DGKB: variants seen among roughly 807,000 people sequenced by gnomAD.
The protein encoded by DGKB is 90 kDa diacylglycerol kinase.
A neutral mutation model predicts 114.3 loss-of-function variants in DGKB; 67 were observed. That is an observed-to-expected ratio of 0.59 (90% CI 0.48 to 0.72). The LOEUF is 0.72. Among genes scored for constraint, DGKB ranks in the 30% least tolerant of loss-of-function variants. DGKB has a pLI of 0.00. For synonymous variants in DGKB, 398 were observed against 323.1 expected, an observed-to-expected ratio of 1.23 and a Z score of -2.49; for missense variants, 907 against 975.2, an observed-to-expected ratio of 0.93 and a Z score of 0.93.
At chr7:14,704,525 G>C (rs1222829995) in intron 6 of DGKB, among the ~76,000 whole-genome samples, 1 of 151,858 alleles carries the variant, frequency 6.6e-6, no homozygotes, top group African/African-American at 2.4e-5. Flanking sequence ...CCGGTCTACA[G>C]CTCCCAGCGA....
chr7:14,800,061 T>G (rs1259607044), intron 2 of DGKB, among the ~76,000 whole-genome samples: 1 of 151,978 alleles, frequency 6.6e-6, no homozygotes, highest in Non-Finnish European at 1.5e-5. Flanking sequence ...GGACTACAGG[T>G]GTACACCACC....
intron 13 of DGKB, among the ~76,000 whole-genome samples, chr7:14,636,633 G>C (rs1216609192): frequency 1.3e-5 from 2 of 151,716 alleles, no homozygotes; most frequent in African/African-American, 4.8e-5. Context: ...TTAAGAATTG[G>C]GTAGGAATCT....
chr7:14,191,091 G>C (rs1045114300), intron 23 of DGKB: 3 of 158,516 alleles, frequency 1.9e-5, no homozygotes, highest in African/African-American at 7.2e-5. Context: ...CAGATGCTTT[G>C]CGAAAAACGT....
intron 23 of DGKB, among the ~76,000 whole-genome samples, chr7:14,211,053 T>C (rs1787695446): frequency 6.6e-6 from 1 of 152,066 alleles, no homozygotes; most frequent in Non-Finnish European, 1.5e-5. Context: ...AGGTGTTCTT[T>C]CACAATCAAA....
At chr7:14,857,714 CT>C (rs1850391964) in intron 1 of DGKB, among the ~76,000 whole-genome samples, 1 of 151,742 alleles carries the variant, frequency 6.6e-6, no homozygotes, top group Non-Finnish European at 1.5e-5. Flanking sequence ...GGATGCTTTC[CT>C]TTTTCTTTTT....
intron 23 of DGKB, among the ~76,000 whole-genome samples, chr7:14,199,750 G>C (rs1363920439): frequency 2.6e-5 from 4 of 152,020 alleles, no homozygotes; most frequent in African/African-American, 7.2e-5. Flanking sequence ...TTTAATATAA[G>C]TATGTTACTA....
intron 20 of DGKB, among the ~76,000 whole-genome samples, chr7:14,557,023 G>A (rs1795972352): frequency 6.6e-6 from 1 of 152,070 alleles, no homozygotes; most frequent in African/African-American, 2.4e-5. Context: ...TAGGATACTG[G>A]ACAAGCAACA....
intron 2 of DGKB, among the ~76,000 whole-genome samples, chr7:14,776,069 C>A (rs1369755407): frequency 6.6e-6 from 1 of 152,072 alleles, no homozygotes; most frequent in Non-Finnish European, 1.5e-5. Flanking sequence ...AGATGAGGAA[C>A]TGTTGGGAAC....
intron 1 of DGKB, among the ~76,000 whole-genome samples, chr7:14,845,175 G>A (rs1208763117): frequency 3.4e-5 from 5 of 145,468 alleles, no homozygotes; most frequent in African/African-American, 1.3e-4. Context: ...ATATCCCCCA[G>A]TTCATTATGA....
intron 23 of DGKB, among the ~76,000 whole-genome samples, chr7:14,256,968 C>A (rs1290848843): frequency 6.6e-6 from 1 of 151,950 alleles, no homozygotes; most frequent in Non-Finnish European, 1.5e-5. Flanking sequence ...AAGTTTGAGA[C>A]CAGCATGGGC....
At chr7:14,922,515 G>T (rs1003827659) in intron 1 of DGKB, among the ~76,000 whole-genome samples, 1 of 151,734 alleles carries the variant, frequency 6.6e-6, no homozygotes, top group Non-Finnish European at 1.5e-5. Context: ...GGTGGGTATG[G>T]AGATTGAGAA....
rs56168181 is a variant in DGKB, at chr7:14,412,072, T to A, written c.1835+66089A>T. 7.9e-3 allele frequency among the ~76,000 whole-genome samples: 1,205 copies of A among 152,310 alleles called. 8 individuals carry two copies. Among genetic ancestry groups the A allele is most frequent in the Middle Eastern group, 0.017 (5 of 294 alleles). ...CTTATAAAGGGCAGGTATTTCTGTG[T>A]ATGGGTCATGCATGAGCATGATATG... On this transcript the variant is annotated intron_variant, in intron 21 of 25. Coordinates refer to ENST00000402815, the MANE Select transcript of DGKB (RefSeq NM_001350709.2).
intron 21 of DGKB, among the ~76,000 whole-genome samples, chr7:14,442,507 A>C (rs1164049290): frequency 6.6e-6 from 1 of 151,958 alleles, no homozygotes; most frequent in East Asian, 1.9e-4. Context: ...ATCTCTTACA[A>C]ATGTGTTTAA....
intron 1 of DGKB, among the ~76,000 whole-genome samples, chr7:14,900,158 T>C (rs1177606632): frequency 2.0e-5 from 3 of 152,188 alleles, no homozygotes; most frequent in East Asian, 1.9e-4. Context: ...TCCAGGGCTA[T>C]CAAGTAGTTG....
chr7:14,806,189 T>C (rs1014694216), intron 2 of DGKB, among the ~76,000 whole-genome samples: 14 of 151,990 alleles, frequency 9.2e-5, no homozygotes, highest in African/African-American at 3.1e-4. Context: ...GCAGTCTTCA[T>C]GAAGACCTAA....
intron 23 of DGKB, among the ~76,000 whole-genome samples, chr7:14,248,227 T>C (rs1008630814): frequency 5.3e-5 from 8 of 152,222 alleles, no homozygotes; most frequent in African/African-American, 7.2e-5. Context: ...ATGCCAGTAC[T>C]ATACTGTTTT....
intron 17 of DGKB, 97 bp from the exon 18 acceptor site, chr7:14,583,234 T>C: frequency 1.5e-6 from 1 of 671,054 alleles, no homozygotes; most frequent in African/African-American, 1.9e-5. Context: ...AAATACGTTT[T>C]TATTTTATAA....
At chr7:14,415,105 GA>G (rs1413796390) in intron 21 of DGKB, among the ~76,000 whole-genome samples, 2 of 151,174 alleles carry the variant, frequency 1.3e-5, no homozygotes, top group Non-Finnish European at 2.9e-5. Flanking sequence ...ATGAAATAAT[GA>G]ATATATAATA....
intron 5 of DGKB, among the ~76,000 whole-genome samples, chr7:14,729,985 T>C (rs1379181570): frequency 6.6e-6 from 1 of 152,180 alleles, no homozygotes; most frequent in Non-Finnish European, 1.5e-5. Context: ...TCTTTCTTTC[T>C]TATAAAACAA....
Sources: allele counts gnomAD v4.1 joint callset (sites outside exome capture counted in the v4.1 genomes callset), GRCh38; gene constraint gnomAD v4.1.1; transcripts MANE v1.5; gene names NCBI Gene and HGNC (gene_info 2026-07-23, HGNC 2026-07-21).